Variants in CABLES2 observed in about 807,000 individuals in gnomAD.
CABLES2 encodes the protein CDK5 and ABL1 enzyme substrate 2.
A neutral mutation model predicts 44.8 loss-of-function variants in CABLES2; 35 were observed. The ratio of observed to expected loss-of-function variants is 0.78; its 90% confidence interval spans 0.60 to 1.04. The LOEUF (loss-of-function observed/expected upper bound fraction) is 1.04. CABLES2 is among the 50% of genes least tolerant of loss of function. The pLI is 0.00. For missense variants in CABLES2, 566 were observed against 615.7 expected (o/e 0.92, Z 0.85); for synonymous variants, 282 against 281.1 (o/e 1.00, Z -0.03).
At chr20:62,394,044 CGTGGA>C (rs1987969919) in intron 5 of CABLES2, 108 bp downstream of exon 5, 2 of 847,462 alleles carry the variant, frequency 2.4e-6, no homozygotes, top group Non-Finnish European at 4.0e-6. Flanking sequence ...TTGCGTTTTA[CGTGGA>C]GTGAAGCACA....
intron 1 of CABLES2, among the ~76,000 whole-genome samples, chr20:62,398,030 GAC>G (rs1569017396): frequency 7.0e-6 from 1 of 142,118 alleles, no homozygotes; most frequent in East Asian, 2.0e-4. Flanking sequence ...TGGTGGTGGT[GAC>G]AGTGATGGTG....
chr20:62,406,533 T>TG (rs972319403), intron 1 of CABLES2, among the ~76,000 whole-genome samples: 3 of 126,852 alleles, frequency 2.4e-5, no homozygotes, highest in African/African-American at 9.8e-5. Context: ...ACCCTATGTG[T>TG]GGGGGGTGAC....
rs114313737 is a variant in CABLES2, at chr20:62,391,716, G to C, written c.1092-263C>G. Reference sequence around the variant, plus strand: ...GGCAGCTCCCACCTGTGCCTGGTGGGTGGAGCCACAGAGGACAGGCTCTGC... The same window carrying C: ...GGCAGCTCCCACCTGTGCCTGGTGGCTGGAGCCACAGAGGACAGGCTCTGC... On this transcript the variant is annotated intron_variant, in intron 8 of 9. Coordinates refer to ENST00000279101, the MANE Select transcript of CABLES2 (RefSeq NM_031215.3). The surrounding 1 kb of genome is among the most constrained non-coding windows in gnomAD (Gnocchi z 5.7). Among the ~76,000 whole-genome samples the C allele has an allele frequency of 0.022, 3,340 of 152,090 alleles. 122 individuals are homozygous for C. The highest frequency in any genetic ancestry group is 0.076 in the African/African-American group (3,155 of 41,454).
chr20:62,392,658 A>C (rs1987940980), intron 7 of CABLES2, among the ~76,000 whole-genome samples, 163 bp from the exon 8 acceptor site: 1 of 152,152 alleles, frequency 6.6e-6, no homozygotes, highest in Non-Finnish European at 1.5e-5. Context: ...AAGAGAGAGA[A>C]CTCCAGAGCC....
At position 62,389,410 on chromosome 20, in the gene CABLES2, C is replaced by T. The variant is rs750975023; in HGVS notation, c.*1561G>A. On this transcript the variant is annotated 3_prime_UTR_variant, in exon 10 of 10. Coordinates refer to ENST00000279101, the MANE Select transcript of CABLES2 (RefSeq NM_031215.3). ...CCTGCCATCTCTGGGTTTTGGTGGC[C>T]CCAGTGAGTGGCTGTGGAAAAGGAG... is the stretch of plus-strand genomic sequence containing the variant. 1.3e-5 allele frequency: 2 copies of T among 152,260 alleles called. No homozygotes were observed. The highest frequency in any genetic ancestry group is 2.9e-5 in the Non-Finnish European group (2 of 68,114). 9.4% of individuals were successfully genotyped at this position (152,260 alleles called of 1,614,324 possible). A position where few individuals can be genotyped will look rare whatever the true frequency, so the allele number is the denominator to read the frequency against.
In CABLES2 at chr20:62,395,617, C is replaced by A. The variant is rs369632852; in HGVS notation, c.528-603G>T. Among the ~76,000 whole-genome samples the A allele has an allele frequency of 6.9e-4, 105 of 152,340 alleles. 2 individuals carry two copies. The highest frequency in any genetic ancestry group is 2.3e-3 in the African/African-American group (96 of 41,576). On this transcript the variant is annotated intron_variant, in intron 3 of 9. Transcript: ENST00000279101. ...GCCCTGCCTGGGCCCAGGGTCTCAC[C>A]AGGGGGACAACAGTGGGAGAACTTC...
chr20:62,395,748 C>T (rs914929415), intron 3 of CABLES2, among the ~76,000 whole-genome samples: 1 of 152,204 alleles, frequency 6.6e-6, no homozygotes, highest in Non-Finnish European at 1.5e-5. Context: ...CCACAGTCAC[C>T]ACAAGGAGGG....
chr20:62,392,430 C>A lies in CABLES2; in HGVS notation c.1050G>T (p.Glu350Asp), dbSNP rs753286424. 1 of 1,614,100 alleles carries A rather than the reference C, an allele frequency of 6.2e-7. No individual in the cohort carries two copies. ...GCGTCAGTTTGACATGGGGGAACTT[C>A]TCCCTGAAGGTCTCGTTCATGTCCT... ...LKKDMNETFR[E>D]KFPHVKLTLS... The change falls in exon 8 of 10, where the codon GAG becomes GAT. Residue 350 changes from glutamate (E) to aspartate (D), a missense_variant. By Grantham distance (45) the Glu-to-Asp change is conservative. Coordinates refer to ENST00000279101, the MANE Select transcript of CABLES2 (RefSeq NM_031215.3).
chr20:62,393,518 G>A lies in CABLES2; in HGVS notation c.802C>T (p.Pro268Ser), dbSNP rs765658613. The change falls in exon 6 of 10, where the codon CCC (proline) becomes TCC (serine). Residue 268 changes from proline (P) to serine (S), a missense_variant. By Grantham distance (74) the Pro-to-Ser change is moderately conservative (BLOSUM62 -1). This residue lies in a region of CABLES2 where 436 missense variants were observed against 536.3 expected (regional missense o/e 0.81). Transcript: ENST00000279101. ...CCTGGCAGAGTCCGGGGGACACTGG[G>A]CCGAGGTGTGGGCAGCAGGCCATGG... ...DSHGLLPTPR[P>S]SVPRTLPGSR... 3 of 1,613,496 alleles carry A rather than the reference G, an allele frequency of 1.9e-6. No individual in the cohort carries two copies. The South Asian group carries it at 3.3e-5, about 18-fold the overall frequency.
At chr20:62,397,923 ATGGTGG>A (rs942819884) in intron 1 of CABLES2, among the ~76,000 whole-genome samples, 6 of 85,734 alleles carry the variant, frequency 7.0e-5, no homozygotes, top group Non-Finnish European at 1.2e-4. Context: ...GGCAGTGGTG[ATGGTGG>A]TGGTGGTGAT....
chr20:62,401,059 G>A (rs1438335826), intron 1 of CABLES2, among the ~76,000 whole-genome samples: 4 of 152,200 alleles, frequency 2.6e-5, no homozygotes, highest in Non-Finnish European at 5.9e-5. Context: ...GAGACAGAGT[G>A]GGGACCTGAG....
chr20:62,391,013 G>A lies in CABLES2; in HGVS notation c.1395C>T (p.Asn465=), dbSNP rs775062048. Residue 465 remains asparagine (N), a synonymous_variant, in exon 10 of 10, where the codon AAC becomes AAT. Transcript: ENST00000279101. This position sits in a 1 kb window ranked among gnomAD's most constrained non-coding sequence, Gnocchi z 5.7. The part of the protein sequence containing the change: ...ALELALYLPE[N]QVLPHYRRLT... ...GGCGCCTGTAATGAGGTAACACTTGGTTCTCGGGAAGATACAGGGCCAGCT... is the reference window on the plus strand; with the variant it reads ...GGCGCCTGTAATGAGGTAACACTTGATTCTCGGGAAGATACAGGGCCAGCT... 1.9e-6 allele frequency: 3 copies of A among 1,614,016 alleles called. No homozygotes were observed. The highest frequency in any genetic ancestry group is 3.3e-5 in the Admixed American group (2 of 60,010).
At chr20:62,399,946 A>C (rs1413378067) in intron 1 of CABLES2, among the ~76,000 whole-genome samples, 4 of 152,240 alleles carry the variant, frequency 2.6e-5, no homozygotes, top group Non-Finnish European at 4.4e-5. Flanking sequence ...TGAAAGTGAA[A>C]AAGAACATGG....
intron 1 of CABLES2, among the ~76,000 whole-genome samples, chr20:62,398,068 T>C (rs1313571723): frequency 2.0e-5 from 1 of 50,826 alleles, no homozygotes; most frequent in African/African-American, 8.6e-5. Flanking sequence ...ATGGTGGTGG[T>C]GACGGTGGTG....
chr20:62,397,916 A>ATGGTG (rs1407114274), intron 1 of CABLES2, among the ~76,000 whole-genome samples: 2 of 72,114 alleles, frequency 2.8e-5, no homozygotes, highest in Admixed American at 2.8e-4. Context: ...TGGTGATGGC[A>ATGGTG]GTGGTGATGG....
chr20:62,395,913 C>A (rs891437713), intron 3 of CABLES2, among the ~76,000 whole-genome samples: 1 of 152,226 alleles, frequency 6.6e-6, no homozygotes, highest in Admixed American at 6.5e-5. Flanking sequence ...TGCGGCCCTC[C>A]GCCAGCTTTG....
Position 62,393,010 on chromosome 20 carries a change from C to T in CABLES2, c.894G>A (p.Gly298=), listed in dbSNP as rs139798715. 2 of 1,613,696 alleles carry T rather than the reference C, an allele frequency of 1.2e-6. No individual in the cohort carries two copies. The highest frequency in any genetic ancestry group is 2.2e-5 in the East Asian group (1 of 44,898). The change falls in exon 7 of 10, where the codon GGG becomes GGA. Residue 298 remains glycine, a synonymous_variant. Coordinates refer to ENST00000279101, the MANE Select transcript of CABLES2 (RefSeq NM_031215.3). ...GGTTGGGGTTGTACTCCAGGGTGTC[C>T]CCCACGTCACTCCCTGTAAGAGAGG... is the stretch of plus-strand genomic sequence containing the variant. ...PASTELGSDV[G]DTLEYNPNLL... is the part of the protein sequence containing the mutation.
intron 1 of CABLES2, 38 bp downstream of exon 1, chr20:62,406,877 C>T: frequency 1.8e-6 from 2 of 1,132,990 alleles, no homozygotes; most frequent in Non-Finnish European, 2.2e-6. Context: ...GTCCCTGTAC[C>T]CCGCGTCCTG....
chr20:62,396,319 T>C lies in CABLES2; in HGVS notation c.523A>G (p.Ser175Gly), dbSNP rs748637399. Residue 175 changes from serine (S) to glycine (G), a missense_variant, in exon 3 of 10, where the codon AGC becomes GGC. Transcript: ENST00000279101. The surrounding 1 kb of genome is among the most constrained non-coding windows in gnomAD (Gnocchi z 5.7). ...GTTCCCGGCTCCGCTTCATACCTGCTGTTCCTGGTGTCGTACTGCCTCATG... is the reference window on the plus strand; with the variant it reads ...GTTCCCGGCTCCGCTTCATACCTGCCGTTCCTGGTGTCGTACTGCCTCATG... ...KNMRQYDTRNSRIVLICAKRS... is the reference protein window; with the variant it reads ...KNMRQYDTRNGRIVLICAKRS... 6.2e-7 allele frequency: 1 copy of C among 1,613,728 alleles called. No homozygotes were observed. The highest frequency in any genetic ancestry group is 1.7e-5 in the Admixed American group (1 of 60,012).
Sources: gnomAD v4.1 joint callset for allele counts (sites outside exome capture counted in the v4.1 genomes callset) on GRCh38, gnomAD v4.1.1 for gene constraint, gnomAD v4.1.1 regional missense constraint, Gnocchi (gnomAD v3.1) non-coding constraint, MANE v1.5 for transcripts, NCBI Gene and HGNC (gene_info 2026-07-23, HGNC 2026-07-21) for gene names.